NLRC4: variants seen among roughly 807,000 people sequenced by gnomAD.
NLRC4 encodes the protein NLR family CARD domain containing 4.
In NLRC4, 63 loss-of-function variants were observed where a neutral mutation model predicts 79.9. That is an observed-to-expected ratio of 0.79 (90% CI 0.64 to 0.97). NLRC4 has a LOEUF of 0.97. Ranked by LOEUF, NLRC4 falls within the 50% of genes least tolerant of loss-of-function variation. The pLI, the probability that NLRC4 is intolerant of heterozygous loss-of-function variation, is 0.00. For synonymous variants in NLRC4, 461 were observed against 456.5 expected (o/e 1.01, Z -0.12); for missense variants, 1,074 against 1,215.2 (o/e 0.88, Z 1.73).
chr2:32,247,399 C>G (rs1686963421), intron 4 of NLRC4, among the ~76,000 whole-genome samples: 1 of 150,062 alleles, frequency 6.7e-6, no homozygotes, highest in Non-Finnish European at 1.5e-5. Context: ...ACCGCAACCT[C>G]CACCTCCCAG....
In NLRC4 at chr2:32,224,562, A is replaced by G; in HGVS notation, c.2986T>C (p.Phe996Leu). The G allele has an allele frequency of 6.2e-7, 1 of 1,613,972 alleles. No homozygotes were observed. ...KLSQVLSKLT[F>L]LQEARLVGWQ... ...CCAACAAGCCTAGCTTCTTGCAGAA[A>G]AGTTAACTTGGATAACACTTGGCTA... The change falls in exon 9 of 9, where the codon TTT (phenylalanine) becomes CTT (leucine). Residue 996 changes from phenylalanine to leucine, a missense_variant. Transcript: ENST00000402280.
chr2:32,236,510 C>G (rs754073173), intron 6 of NLRC4, among the ~76,000 whole-genome samples, 171 bp from the exon 7 acceptor site: 11 of 152,088 alleles, frequency 7.2e-5, no homozygotes, highest in Non-Finnish European at 1.6e-4. Flanking sequence ...AGGTGTAACC[C>G]CCAAATCCCA....
intron 3 of NLRC4, among the ~76,000 whole-genome samples, 185 bp from the exon 4 acceptor site, chr2:32,251,786 C>A (rs751453069): frequency 6.6e-6 from 1 of 152,266 alleles, no homozygotes; most frequent in Non-Finnish European, 1.5e-5. Context: ...TCCTTTACCC[C>A]ACTCCCCTTT....
At chr2:32,231,875 T>C (rs1686547342) in intron 8 of NLRC4, among the ~76,000 whole-genome samples, 1 of 152,172 alleles carries the variant, frequency 6.6e-6, no homozygotes, top group African/African-American at 2.4e-5. Context: ...TTTGACCAAA[T>C]GTCTTTTTTT....
At chr2:32,235,363 C>T (rs199476297) in intron 8 of NLRC4, 38 bp downstream of exon 8, 2 of 1,526,964 alleles carry the variant, frequency 1.3e-6, no homozygotes, top group South Asian at 2.3e-5. Flanking sequence ...TTTTAAGGGC[C>T]AAATCCAGTT....
intron 5 of NLRC4, among the ~76,000 whole-genome samples, chr2:32,240,700 G>A (rs992100529): frequency 4.0e-5 from 6 of 151,886 alleles, no homozygotes; most frequent in Non-Finnish European, 7.4e-5. Flanking sequence ...TTAAAATATT[G>A]TTTCTATGCA....
At position 32,226,941 on chromosome 2, in the gene NLRC4, ATTCCATAGTT is replaced by A. The variant is rs542245093; in HGVS notation, c.2783-2186_2783-2177del. 1.1e-4 allele frequency among the ~76,000 whole-genome samples: 17 copies of A among 152,224 alleles called. 1 individual carries two copies. Among genetic ancestry groups the A allele is most frequent in the Middle Eastern group, 3.4e-3 (1 of 292 alleles). ...GTTGTTCCCAAAACTGTCTCTCCTTATTCCATAGTTAATAGAGTTTTATTTCGGCATATGG... is the reference window on the plus strand; with the variant it reads ...GTTGTTCCCAAAACTGTCTCTCCTTAAATAGAGTTTTATTTCGGCATATGG... On this transcript the variant is annotated intron_variant, in intron 8 of 8. Transcript: ENST00000402280.
intron 3 of NLRC4, among the ~76,000 whole-genome samples, chr2:32,251,883 A>ATT (rs1023237052): frequency 1.5e-4 from 23 of 152,336 alleles, no homozygotes; most frequent in African/African-American, 5.1e-4. Flanking sequence ...TAAGGAAAGT[A>ATT]AAGAATTTGG....
intron 6 of NLRC4, among the ~76,000 whole-genome samples, chr2:32,236,820 A>G (rs543132863): frequency 7.6e-4 from 116 of 151,998 alleles, no homozygotes; most frequent in African/African-American, 2.6e-3. Flanking sequence ...TATTGACATA[A>G]TAGTTGAGAT....
rs2148943838 is a variant in NLRC4 at position 32,252,561 on chromosome 2, G to T, written c.120C>A (p.Ile40=). Residue 40 remains isoleucine (I), a synonymous_variant, in exon 3 of 9, where the codon ATC becomes ATA. Transcript: ENST00000402280. The part of the protein sequence containing the change: ...WNVLNREEVN[I]ICCEKVEQDA... Reference sequence around the variant, plus strand: ...CCTGCTCCACCTTCTCGCAGCAAATGATGTTTACTTCTTCGCGATTCAGAA... The same window carrying T: ...CCTGCTCCACCTTCTCGCAGCAAATTATGTTTACTTCTTCGCGATTCAGAA... The T allele has an allele frequency of 1.2e-6, 2 of 1,614,190 alleles. No individual in the cohort carries two copies. The highest frequency in any genetic ancestry group is 1.7e-6 in the Non-Finnish European group (2 of 1,180,010).
Position 32,256,906 on chromosome 2 carries a change from CA to C in NLRC4, c.-118-14del, listed in dbSNP as rs1427410178. ...ACTACTCTTCATTCTGTAAAACAAACAAAACAGAACCAGAGACTATCAGGTG... is the reference window on the plus strand; with the variant it reads ...ACTACTCTTCATTCTGTAAAACAAACAAACAGAACCAGAGACTATCAGGTG... On this transcript the variant is annotated splice_polypyrimidine_tract_variant and intron_variant, in intron 1 of 8. Transcript: ENST00000402280. The C allele has an allele frequency of 7.4e-5, 48 of 649,210 alleles. No individual in the cohort carries two copies. The highest frequency in any genetic ancestry group is 1.2e-4 in the Non-Finnish European group (44 of 352,046). The allele number at this position is 649,210 out of a possible 1,614,324, so 40.2% of individuals were successfully genotyped here.
At chr2:32,235,711 T>TG in intron 7 of NLRC4, 143 bp from the exon 8 acceptor site, 1 of 603,796 alleles carries the variant, frequency 1.7e-6, no homozygotes, top group Non-Finnish European at 2.8e-6. Flanking sequence ...TAATTTTTGG[T>TG]TTTTTTTTGG....
At chr2:32,259,743 A>C (rs886745652) in intron 1 of NLRC4, among the ~76,000 whole-genome samples, 6 of 152,128 alleles carry the variant, frequency 3.9e-5, no homozygotes, top group Non-Finnish European at 1.5e-5. Context: ...CCACACCCTC[A>C]AAGAAAATCA....
At chr2:32,238,340 G>A in intron 5 of NLRC4, 38 bp from the exon 6 acceptor site, 1 of 1,534,394 alleles carries the variant, frequency 6.5e-7, no homozygotes. Context: ...AGGATACCAA[G>A]TTAATTCGAT....
Position 32,235,705 on chromosome 2 carries a change from T to G in NLRC4, c.2615-137A>C, listed in dbSNP as rs1376416921. The G allele has an allele frequency of 4.2e-6, 3 of 708,168 alleles. No homozygotes were observed. The African/African-American group carries it at 5.4e-5, about 13-fold the overall frequency. The allele number at this position is 708,168 out of a possible 1,614,324, so 43.9% of individuals were successfully genotyped here. A position where few individuals can be genotyped will look rare whatever the true frequency, so the allele number is the denominator to read the frequency against. ...AATCTGTAATGAGAATCTACTTAAT[T>G]TTTGGTTTTTTTTTGGAAAGTATTC... On this transcript the variant is annotated intron_variant, in intron 7 of 8. Coordinates refer to ENST00000402280, the MANE Select transcript of NLRC4 (RefSeq NM_001199138.2).
intron 8 of NLRC4, among the ~76,000 whole-genome samples, chr2:32,234,426 T>C (rs1686626245): frequency 6.6e-6 from 1 of 152,066 alleles, no homozygotes; most frequent in African/African-American, 2.4e-5. Flanking sequence ...TAATAAATTG[T>C]ACGTTACGTA....
intron 5 of NLRC4, among the ~76,000 whole-genome samples, 159 bp downstream of exon 5, chr2:32,240,874 T>C (rs891339955): frequency 6.6e-6 from 1 of 152,162 alleles, no homozygotes; most frequent in Non-Finnish European, 1.5e-5. Context: ...TGCTGAAGGA[T>C]TTTAATGGCA....
rs142820463 is a variant in NLRC4 at position 32,255,328 on chromosome 2, C to T, written c.1+1447G>A. Among the ~76,000 whole-genome samples, 355 of 152,026 alleles carry T rather than the reference C, an allele frequency of 2.3e-3. 2 individuals are homozygous for T. Among genetic ancestry groups the T allele is most frequent in the Admixed American group, 0.013 (204 of 15,260 alleles). On this transcript the variant is annotated intron_variant, in intron 2 of 8. Coordinates refer to ENST00000402280, the MANE Select transcript of NLRC4 (RefSeq NM_001199138.2). Reference sequence around the variant, plus strand: ...CTGAGGTCGGGAGTTCGAGACTAGCCTGACCAACATGGAGAAACCCTGTCT... The same window carrying T: ...CTGAGGTCGGGAGTTCGAGACTAGCTTGACCAACATGGAGAAACCCTGTCT...
intron 4 of NLRC4, among the ~76,000 whole-genome samples, chr2:32,241,438 G>A (rs987770749): frequency 8.8e-5 from 12 of 135,676 alleles, no homozygotes; most frequent in Middle Eastern, 3.7e-3. Context: ...GTGCAGTGGC[G>A]CAATCTCAGC....
Sources: allele counts gnomAD v4.1 joint callset (sites outside exome capture counted in the v4.1 genomes callset), GRCh38; gene constraint gnomAD v4.1.1; transcripts MANE v1.5; gene names NCBI Gene and HGNC (gene_info 2026-07-23, HGNC 2026-07-21).